FAM153A: variants seen among roughly 807,000 people sequenced by gnomAD.
The protein encoded by FAM153A is protein FAM153A.
Under a neutral mutation model 48.1 loss-of-function variants are expected in FAM153A, and 12 were observed. The observed-to-expected ratio is 0.25, with a 90% CI of 0.16 to 0.40. The LOEUF is 0.40. FAM153A is among the 10% of genes least tolerant of loss of function. The pLI is 1.00. For missense variants in FAM153A, 111 were observed against 345.8 expected (o/e 0.32, Z 5.38); for synonymous variants, 36 against 118.2 (o/e 0.30, Z 4.51).
rs2127638065 is a variant in FAM153A at position 177,734,127 on chromosome 5, C to T, written c.760+253G>A. On this transcript the variant is annotated intron_variant, in intron 14 of 20. Transcript: ENST00000614127. ...CACTGACCACAGCACCACATGAATT[C>T]ACAAAAGACATGAGCAGGCCCCTTG... 2.4e-5 allele frequency among the ~76,000 whole-genome samples: 3 copies of T among 122,612 alleles called. No homozygotes were observed. In the Admixed American group the frequency reaches 2.6e-4, roughly 11 times the overall value. The allele number at this position is 122,612 out of a possible 152,430, so 80.4% of individuals were successfully genotyped here. A position where few individuals can be genotyped will look rare whatever the true frequency, so the allele number is the denominator to read the frequency against.
chr5:177,757,024 T>G (rs972088521), upstream of FAM153A, among the ~76,000 whole-genome samples: 5 of 106,038 alleles, frequency 4.7e-5, 1 homozygote, highest in Admixed American at 3.8e-4. Flanking sequence ...CAAAAAGCCC[T>G]TCAAAAAATC....
chr5:177,702,020 GC>G, the FAM153A span, among the ~76,000 whole-genome samples: 2 of 151,408 alleles, frequency 1.3e-5, no homozygotes, highest in Non-Finnish European at 2.9e-5. Flanking sequence ...CCATTCTCCT[GC>G]CTCAGCCTCC....
chr5:177,743,481 T>C (rs1381023427), intron 6 of FAM153A, among the ~76,000 whole-genome samples: 2 of 115,266 alleles, frequency 1.7e-5, no homozygotes, highest in African/African-American at 3.4e-5. Context: ...AAACTCTATA[T>C]GACCCTGGAA....
At chr5:177,759,444 G>A (rs1445639887) in intron 1 of FAM153A, among the ~76,000 whole-genome samples, 1 of 151,710 alleles carries the variant, frequency 6.6e-6, no homozygotes, top group African/African-American at 2.4e-5. Flanking sequence ...AATACCATTC[G>A]ACCCAGCCAT....
the FAM153A span, among the ~76,000 whole-genome samples, chr5:177,702,409 A>G: frequency 0.046 from 6,955 of 151,898 alleles, 498 homozygotes; most frequent in African/African-American, 0.14. Context: ...CAAAGAAATG[A>G]CCTAAAGTTG....
At chr5:177,754,377 G>A (rs1223276228), upstream of FAM153A, among the ~76,000 whole-genome samples, 1 of 151,524 alleles carries the variant, frequency 6.6e-6, no homozygotes, top group Non-Finnish European at 1.5e-5. Context: ...GCTCAAGGAG[G>A]CCTGCCTGCC....
exon 27 of FAM153A, chr5:177,712,908 T>G (rs1429298147): frequency 6.6e-6 from 1 of 151,834 alleles, no homozygotes; most frequent in Non-Finnish European, 1.5e-5. Context: ...ATGACAAAAT[T>G]GTTCTCCAAA....
rs866360944 is a variant in FAM153A, at chr5:177,716,964, A to T, written c.*1151+199T>A. On this transcript the variant is annotated intron_variant and NMD_transcript_variant, in intron 24 of 26. Coordinates refer to the FAM153A transcript ENST00000360669. Reference sequence around the variant, plus strand: ...CAGTAGCATGCCACCATTCCCGCTTAGTGTGTGTGTGTGTGTGTGTGTGTG... The same window carrying T: ...CAGTAGCATGCCACCATTCCCGCTTTGTGTGTGTGTGTGTGTGTGTGTGTG... 1.9e-3 allele frequency among the ~76,000 whole-genome samples: 247 copies of T among 127,716 alleles called. 2 individuals are homozygous for T. Among genetic ancestry groups the T allele is most frequent in the African/African-American group, 6.8e-3 (224 of 32,824 alleles). 83.8% of individuals were successfully genotyped at this position (127,716 alleles called of 152,430 possible).
intron 1 of FAM153A, among the ~76,000 whole-genome samples, chr5:177,761,216 C>T (rs368337628): frequency 0.13 from 20,253 of 150,296 alleles, 1,356 homozygotes; most frequent in East Asian, 0.32. Context: ...CCTGCTCAAA[C>T]GAGATTTCCC....
chr5:177,743,825 A>G (rs1454025777), intron 6 of FAM153A, among the ~76,000 whole-genome samples: 4 of 21,520 alleles, frequency 1.9e-4, no homozygotes, highest in Non-Finnish European at 3.5e-4. Context: ...ATTAGAAAAT[A>G]AAGTATAGCA....
At chr5:177,745,021 T>C in intron 4 of FAM153A, 54 bp from the exon 7 acceptor site, 1 of 395,394 alleles carries the variant, frequency 2.5e-6, no homozygotes, top group South Asian at 2.2e-5. Context: ...TCATGAACAA[T>C]TCAGTAACAC....
chr5:177,724,061 CTG>C (rs1346529831), exon 21 of FAM153A: 1 of 1,609,836 alleles, frequency 6.2e-7, no homozygotes, highest in African/African-American at 1.4e-5. Flanking sequence ...GAGTGGGTGT[CTG>C]TTTCCTGGAG....
At chr5:177,699,982 A>G in the FAM153A span, among the ~76,000 whole-genome samples, 1 of 152,162 alleles carries the variant, frequency 6.6e-6, no homozygotes, top group Middle Eastern at 3.4e-3. Flanking sequence ...AACTGAATCT[A>G]GCAACATATA....
At chr5:177,715,149 G>A (rs1759416405) in intron 25 of FAM153A, among the ~76,000 whole-genome samples, 1 of 150,670 alleles carries the variant, frequency 6.6e-6, no homozygotes, top group South Asian at 2.1e-4. Context: ...ACCTCTTATT[G>A]CCTTTTGTAT....
At chr5:177,747,211 T>C (rs988679734) in intron 4 of FAM153A, among the ~76,000 whole-genome samples, 4 of 142,412 alleles carry the variant, frequency 2.8e-5, no homozygotes, top group Admixed American at 7.5e-5. Flanking sequence ...TTCAGACTAG[T>C]AGCCCACAGC....
the FAM153A span, among the ~76,000 whole-genome samples, chr5:177,701,078 C>A: frequency 6.6e-6 from 1 of 151,644 alleles, no homozygotes; most frequent in Non-Finnish European, 1.5e-5. Flanking sequence ...CCCTTGAGAT[C>A]TGTTTGTTTA....
intron 10 of FAM153A, among the ~76,000 whole-genome samples, 158 bp from the exon 13 acceptor site, chr5:177,737,270 A>G (rs1282441904): frequency 6.6e-6 from 1 of 151,730 alleles, no homozygotes; most frequent in East Asian, 1.9e-4. Flanking sequence ...GGGAAGGCAA[A>G]TGGTGAAGGA....
In FAM153A at chr5:177,761,540, A is replaced by G. The variant is rs1457882637; in HGVS notation, c.-56-12841T>C. On this transcript the variant is annotated intron_variant, in intron 1 of 8. Transcript: ENST00000393518. Reference sequence around the variant, plus strand: ...GCAACTGTCCCCTGTGCACTCAGCAATGCACATGCTAATTTAATCCAATCT... The same window carrying G: ...GCAACTGTCCCCTGTGCACTCAGCAGTGCACATGCTAATTTAATCCAATCT... Among the ~76,000 whole-genome samples, 6 of 150,620 alleles carry G rather than the reference A, an allele frequency of 4.0e-5. No individual in the cohort carries two copies. In the East Asian group the frequency reaches 7.9e-4, roughly 20 times the overall value.
downstream of FAM153A, among the ~76,000 whole-genome samples, chr5:177,704,874 C>T (rs1757740500): frequency 1.3e-5 from 2 of 151,132 alleles, no homozygotes; most frequent in Non-Finnish European, 2.9e-5. Flanking sequence ...GTGGCGCTCA[C>T]CTGTAGTCAC....
Sources: gnomAD v4.1 joint callset for allele counts (sites outside exome capture counted in the v4.1 genomes callset) on GRCh38, gnomAD v4.1.1 for gene constraint, MANE v1.5 for transcripts, NCBI Gene and HGNC (gene_info 2026-07-23, HGNC 2026-07-21) for gene names.